NFASC: variants seen among roughly 807,000 people sequenced by gnomAD.
NFASC encodes the protein neurofascin homolog.
A neutral mutation model predicts 147.5 loss-of-function variants in NFASC; 43 were observed. That is an observed-to-expected ratio of 0.29 (90% confidence interval 0.23 to 0.38). The LOEUF (loss-of-function observed/expected upper bound fraction) is 0.38. Ranked by LOEUF, NFASC falls within the 10% of genes least tolerant of loss-of-function variation. NFASC has a pLI of 1.00. For synonymous variants in NFASC, 622 were observed against 665.5 expected, an observed-to-expected ratio of 0.93 and a Z score of 1.01; for missense variants, 1,320 against 1,689.0, an observed-to-expected ratio of 0.78 and a Z score of 3.83.
intron 1 of NFASC, among the ~76,000 whole-genome samples, chr1:204,916,333 C>T (rs893115728): frequency 6.6e-6 from 1 of 152,204 alleles, no homozygotes; most frequent in Non-Finnish European, 1.5e-5. Context: ...TCACTTTTAA[C>T]TAACCCTAAA....
At chr1:204,969,478 G>A (rs1024660100) in intron 10 of NFASC, among the ~76,000 whole-genome samples, 1 of 152,288 alleles carries the variant, frequency 6.6e-6, no homozygotes, top group Non-Finnish European at 1.5e-5. Flanking sequence ...ACCAGAGCAC[G>A]TGTCGTCATG....
chr1:204,886,589 T>C (rs2081355721), intron 1 of NFASC, among the ~76,000 whole-genome samples: 1 of 152,172 alleles, frequency 6.6e-6, no homozygotes, highest in South Asian at 2.1e-4. Context: ...GCCCAATAAT[T>C]TGCATTTTTC....
intron 1 of NFASC, among the ~76,000 whole-genome samples, chr1:204,837,487 A>C (rs1283478813): frequency 1.3e-5 from 2 of 152,128 alleles, no homozygotes; most frequent in African/African-American, 4.8e-5. Flanking sequence ...ATTGGTGAGG[A>C]GTATTTGAAG....
chr1:204,911,204 A>G (rs1290699285), intron 1 of NFASC, among the ~76,000 whole-genome samples: 2 of 152,174 alleles, frequency 1.3e-5, no homozygotes. Flanking sequence ...ACGATTGTGT[A>G]ATTTTTCTTA....
rs369665962 is a variant in NFASC, at chr1:204,836,302, C to T, written c.-200+7520C>T. Reference sequence around the variant, plus strand: ...TGTTGTTCAAAGGTGGAAGAATCTCCCCTATATCTTACTGTGTGTTGACCA... The same window carrying T: ...TGTTGTTCAAAGGTGGAAGAATCTCTCCTATATCTTACTGTGTGTTGACCA... On this transcript the variant is annotated intron_variant, in intron 1 of 29. Transcript: ENST00000339876. Among the ~76,000 whole-genome samples, 6 of 151,992 alleles carry T rather than the reference C, an allele frequency of 3.9e-5. No homozygotes were observed. In the East Asian group the frequency reaches 9.6e-4, roughly 24 times the overall value.
At chr1:204,922,091 T>C (rs559665101) in intron 2 of NFASC, among the ~76,000 whole-genome samples, 2 of 152,320 alleles carry the variant, frequency 1.3e-5, no homozygotes, top group South Asian at 4.1e-4. Flanking sequence ...AAAAGCGGTG[T>C]ACCCATTTAT....
chr1:204,904,734 C>T (rs2085405661), intron 1 of NFASC, among the ~76,000 whole-genome samples: 1 of 152,106 alleles, frequency 6.6e-6, no homozygotes, highest in Non-Finnish European at 1.5e-5. Flanking sequence ...ATTGGAACAG[C>T]TTTTCTTTTA....
At chr1:204,964,189 T>C (rs2094828612) in intron 8 of NFASC, among the ~76,000 whole-genome samples, 1 of 152,252 alleles carries the variant, frequency 6.6e-6, no homozygotes. Flanking sequence ...TTTAATGTTC[T>C]CATTTGCCAA....
chr1:204,851,439 T>C (rs2075686873), intron 1 of NFASC, among the ~76,000 whole-genome samples: 1 of 152,054 alleles, frequency 6.6e-6, no homozygotes, highest in African/African-American at 2.4e-5. Context: ...TTCAAGTGAT[T>C]CTCATGCCTC....
At chr1:204,996,237 A>G (rs1056467242) in intron 24 of NFASC, among the ~76,000 whole-genome samples, 4 of 152,162 alleles carry the variant, frequency 2.6e-5, no homozygotes, top group Non-Finnish European at 2.9e-5. Flanking sequence ...GTTAGCCCAG[A>G]TCTGAACAAT....
intron 5 of NFASC, among the ~76,000 whole-genome samples, chr1:204,952,546 G>T (rs2094184476): frequency 1.3e-5 from 2 of 152,156 alleles, no homozygotes; most frequent in African/African-American, 4.8e-5. Flanking sequence ...TTGTGTGTGT[G>T]TCCGGGCTCT....
At position 204,940,594 on chromosome 1, in the gene NFASC, C is replaced by T. The variant is rs1478644227; in HGVS notation, c.-90-3632C>T. On this transcript the variant is annotated intron_variant, in intron 2 of 29. Coordinates refer to ENST00000339876, the MANE Select transcript of NFASC (RefSeq NM_001005388.3). ...CCCATTAACCAGTTTCCCTCCTTCT[C>T]CCTTCCCCTCTGCCTCTGGTCACCA... Among the ~76,000 whole-genome samples the T allele has an allele frequency of 2.0e-5, 3 of 151,168 alleles. No homozygotes were observed. In the East Asian group the frequency reaches 5.8e-4, roughly 29 times the overall value.
chr1:204,964,623 T>C (rs914481986), intron 8 of NFASC, among the ~76,000 whole-genome samples: 5 of 151,828 alleles, frequency 3.3e-5, no homozygotes, highest in Admixed American at 6.6e-5. Flanking sequence ...AGACAAAGAG[T>C]TTTTCCTATC....
In NFASC at chr1:205,020,421, GT is replaced by G. The variant is rs1221921338; in HGVS notation, c.*3884del. On this transcript the variant is annotated 3_prime_UTR_variant, in exon 30 of 30. Coordinates refer to ENST00000339876, the MANE Select transcript of NFASC (RefSeq NM_001005388.3). The stretch of plus-strand genomic sequence containing the variant: ...AGATTCCAACATTGTCTTGGAGAGG[GT>G]TAGTCCACATCCAAGTTGCGTGAGA... 6.6e-6 allele frequency: 1 copy of G among 152,300 alleles called. No homozygotes were observed. Among genetic ancestry groups the G allele is most frequent in the East Asian group, 1.9e-4 (1 of 5,192 alleles). The allele number at this position is 152,300 out of a possible 1,614,324, so 9.4% of individuals were successfully genotyped here.
chr1:204,840,195 C>T (rs1360770513), intron 1 of NFASC, among the ~76,000 whole-genome samples: 1 of 152,124 alleles, frequency 6.6e-6, no homozygotes, highest in Non-Finnish European at 1.5e-5. Context: ...CCAGTACTGC[C>T]CATCTGCAAA....
chr1:204,997,691 C>T (rs375223963), intron 25 of NFASC: 12 of 524,952 alleles, frequency 2.3e-5, no homozygotes, highest in Admixed American at 6.6e-5. Context: ...CCTTAACAGA[C>T]GGCCAAGCTC....
intron 2 of NFASC, among the ~76,000 whole-genome samples, chr1:204,924,429 T>TA (rs1445634847): frequency 6.6e-6 from 1 of 152,216 alleles, no homozygotes; most frequent in Admixed American, 6.5e-5. Context: ...TATCAGCAGC[T>TA]AAACCAATAT....
intron 1 of NFASC, among the ~76,000 whole-genome samples, chr1:204,851,116 G>T (rs1232934936): frequency 6.6e-6 from 1 of 152,060 alleles, no homozygotes; most frequent in East Asian, 1.9e-4. Flanking sequence ...CTACAACAAA[G>T]AAGTGCATGT....
At chr1:204,974,988 CA>C (rs2095363359) in intron 14 of NFASC, among the ~76,000 whole-genome samples, 165 bp downstream of exon 14, 3 of 152,158 alleles carry the variant, frequency 2.0e-5, no homozygotes, top group Admixed American at 2.0e-4. Context: ...CAGTGTGGTC[CA>C]AAGAGAATTA....
Sources: gnomAD v4.1 joint callset for allele counts (sites outside exome capture counted in the v4.1 genomes callset) on GRCh38, gnomAD v4.1.1 for gene constraint, MANE v1.5 for transcripts, NCBI Gene and HGNC (gene_info 2026-07-23, HGNC 2026-07-21) for gene names.